TEC: variants seen among roughly 807,000 people sequenced by gnomAD.
TEC encodes the protein tec protein tyrosine kinase.
A neutral mutation model predicts 93.0 loss-of-function variants in TEC; 72 were observed. The ratio of observed to expected loss-of-function variants is 0.77; its 90% CI spans 0.64 to 0.94. TEC has a LOEUF of 0.94. Ranked by LOEUF, TEC falls within the 40% of genes least tolerant of loss-of-function variation. The probability of loss-of-function intolerance (pLI) is 0.00; values close to 1 mark genes in which losing one functional copy is unlikely to be tolerated. For missense variants in TEC, 630 were observed against 757.9 expected (o/e 0.83, Z 1.98); for synonymous variants, 249 against 247.7 (o/e 1.01, Z -0.05).
intron 9 of TEC, among the ~76,000 whole-genome samples, chr4:48,151,752 G>T (rs1254470258): frequency 6.6e-6 from 1 of 152,238 alleles, no homozygotes; most frequent in Non-Finnish European, 1.5e-5. Context: ...CTCCCAAAGT[G>T]CTGGGATTAC....
chr4:48,149,652 T>C lies in TEC; in HGVS notation c.911A>G (p.Glu304Gly). The change falls in exon 11 of 18, where the codon GAA becomes GGA. Residue 304 changes from glutamate (E) to glycine (G), a missense_variant. Glu to Gly is a moderately conservative substitution (Grantham distance 98). Around this residue, in one of 3 missense-constraint regions of TEC, gnomAD observed 335 missense variants for 351.5 expected, o/e 0.95. Coordinates refer to ENST00000381501, the MANE Select transcript of TEC (RefSeq NM_003215.3). Reference sequence around the variant, plus strand: ...ATACTTCTTTGGAGATGTTGTTGTTTCCTTTATATGATAATGCCTAAAACC... The same window carrying C: ...ATACTTCTTTGGAGATGTTGTTGTTCCCTTTATATGATAATGCCTAAAACC... ...SSGFRHYHIK[E>G]TTTSPKKYYL... 6.2e-7 allele frequency: 1 copy of C among 1,612,428 alleles called. No individual in the cohort carries two copies. The highest frequency in any genetic ancestry group is 8.5e-7 in the Non-Finnish European group (1 of 1,179,476).
At chr4:48,245,796 A>C (rs781224084) in intron 1 of TEC, among the ~76,000 whole-genome samples, 16 of 152,178 alleles carry the variant, frequency 1.1e-4, no homozygotes, top group Non-Finnish European at 1.5e-5. Flanking sequence ...ACATTAAAAT[A>C]GCTGAAGAGC....
At chr4:48,184,768 A>AAAACACAC (rs1721730948) in intron 2 of TEC, among the ~76,000 whole-genome samples, 1 of 96,906 alleles carries the variant, frequency 1.0e-5, no homozygotes, top group Non-Finnish European at 2.3e-5. Context: ...AGACAAAAAA[A>AAAACACAC]ATACACACAC....
chr4:48,169,617 A>G (rs1283266470), intron 5 of TEC, among the ~76,000 whole-genome samples: 1 of 152,132 alleles, frequency 6.6e-6, no homozygotes, highest in East Asian at 1.9e-4. Context: ...AGCATTCTGC[A>G]TGGCACCAGC....
At chr4:48,166,950 G>A (rs984006583) in intron 7 of TEC, among the ~76,000 whole-genome samples, 2 of 151,804 alleles carry the variant, frequency 1.3e-5, no homozygotes, top group South Asian at 4.1e-4. Flanking sequence ...GGCTGGGGCT[G>A]GGAGGTGAGA....
rs570918411 is a variant in TEC, at chr4:48,207,717, G to T, written c.138+20760C>A. 5.4e-4 allele frequency among the ~76,000 whole-genome samples: 82 copies of T among 152,070 alleles called. 2 individuals are homozygous for T. The South Asian group carries it at 0.016, about 30-fold the overall frequency. ...GTGGGAGGATCACCTGAGCCCGAAA[G>T]GTTGAGGCTACAGTAAGCCATGATT... On this transcript the variant is annotated intron_variant, in intron 2 of 17. Transcript: ENST00000381501.
intron 1 of TEC, among the ~76,000 whole-genome samples, chr4:48,257,930 T>C (rs541392380): frequency 5.4e-4 from 82 of 152,300 alleles, no homozygotes; most frequent in African/African-American, 1.9e-3. Context: ...GAAAAAATTA[T>C]CTTAGATGCT....
chr4:48,208,688 C>T (rs1360191873), intron 2 of TEC, among the ~76,000 whole-genome samples: 1 of 152,148 alleles, frequency 6.6e-6, no homozygotes, highest in Non-Finnish European at 1.5e-5. Flanking sequence ...CTCTCTCATG[C>T]GGCTTTACTT....
intron 1 of TEC, among the ~76,000 whole-genome samples, chr4:48,234,036 A>G (rs371714438): frequency 6.6e-6 from 1 of 152,212 alleles, no homozygotes; most frequent in East Asian, 1.9e-4. Context: ...TTTCACAACT[A>G]TGGGGATAAG....
intron 2 of TEC, among the ~76,000 whole-genome samples, chr4:48,201,978 A>C: frequency 9.2e-6 from 1 of 108,172 alleles, no homozygotes; most frequent in Non-Finnish European, 1.8e-5. Flanking sequence ...TTTTTTTGAG[A>C]CAGAGTCTCG....
intron 15 of TEC, among the ~76,000 whole-genome samples, chr4:48,140,038 GC>G (rs1012881559): frequency 6.6e-6 from 1 of 152,240 alleles, no homozygotes; most frequent in African/African-American, 2.4e-5. Context: ...ACAGATGAAA[GC>G]GGCAGACAGC....
At chr4:48,186,353 G>A (rs1351199330) in intron 2 of TEC, among the ~76,000 whole-genome samples, 1 of 150,874 alleles carries the variant, frequency 6.6e-6, no homozygotes, top group East Asian at 2.0e-4. Flanking sequence ...CTGACCAGCC[G>A]CCCAGTCTGG....
chr4:48,179,360 ATATATATATATATATATTTTTTTTTTT>A, intron 2 of TEC, among the ~76,000 whole-genome samples: 1 of 40,470 alleles, frequency 2.5e-5, no homozygotes, highest in South Asian at 1.2e-3. Flanking sequence ...ATATATATAT[ATATATATATATATATATTTTTTTTTTT>A]TTTTTTTTTT....
chr4:48,154,510 T>G (rs1720315548), intron 9 of TEC, among the ~76,000 whole-genome samples: 1 of 152,160 alleles, frequency 6.6e-6, no homozygotes, highest in Non-Finnish European at 1.5e-5. Flanking sequence ...CAATTCTATA[T>G]ACACAGTGTA....
At chr4:48,249,814 CTG>C (rs33981589) in intron 1 of TEC, among the ~76,000 whole-genome samples, 35,726 of 152,116 alleles carry the variant, frequency 0.23, 4,658 homozygotes, top group African/African-American at 0.35. Context: ...AGTGGGAAAA[CTG>C]TAGTTTTCAG....
chr4:48,189,846 A>G (rs539562347), intron 2 of TEC, among the ~76,000 whole-genome samples: 20 of 152,314 alleles, frequency 1.3e-4, no homozygotes, highest in African/African-American at 2.6e-4. Context: ...AAGCCTTCCA[A>G]TGACCACTAT....
chr4:48,141,591 T>C, intron 14 of TEC, 172 bp from the exon 15 acceptor site: 1 of 548,488 alleles, frequency 1.8e-6, no homozygotes, highest in Non-Finnish European at 3.1e-6. Context: ...CATTGTGTAT[T>C]TGAAAAAAAT....
chr4:48,243,746 T>G (rs1227893127), intron 1 of TEC, among the ~76,000 whole-genome samples: 2 of 151,972 alleles, frequency 1.3e-5, no homozygotes, highest in Non-Finnish European at 2.9e-5. Flanking sequence ...GAGAGATCAC[T>G]CTTAGGTGGG....
intron 14 of TEC, among the ~76,000 whole-genome samples, chr4:48,142,761 A>G (rs533084529): frequency 1.3e-4 from 20 of 151,704 alleles, no homozygotes; most frequent in African/African-American, 4.4e-4. Flanking sequence ...GCTCACTGCA[A>G]CCTCCACCTC....
Sources: allele counts gnomAD v4.1 joint callset (sites outside exome capture counted in the v4.1 genomes callset), GRCh38; gene constraint gnomAD v4.1.1; regional missense constraint gnomAD v4.1.1; transcripts MANE v1.5; gene names NCBI Gene and HGNC (gene_info 2026-07-23, HGNC 2026-07-21).